Variants in DTD1 observed in about 807,000 individuals in gnomAD.
DTD1 encodes the protein D-aminoacyl-tRNA deacylase 1.
Under a neutral mutation model 25.6 loss-of-function variants are expected in DTD1, and 13 were observed. That is an observed-to-expected ratio of 0.51 (90% CI 0.33 to 0.81). The LOEUF is 0.81. Ranked by LOEUF, DTD1 falls within the 30% of genes least tolerant of loss-of-function variation. The pLI is 0.02. For missense variants in DTD1, 193 were observed against 266.4 expected, an observed-to-expected ratio of 0.72 and a Z score of 1.92; for synonymous variants, 110 against 103.6, an observed-to-expected ratio of 1.06 and a Z score of -0.37.
chr20:18,684,322 T>A (rs1306421889), intron 4 of DTD1, among the ~76,000 whole-genome samples: 2 of 152,122 alleles, frequency 1.3e-5, no homozygotes, highest in African/African-American at 4.8e-5. Context: ...AGTCTCACCC[T>A]GTCACCCACA....
intron 3 of DTD1, among the ~76,000 whole-genome samples, chr20:18,619,003 G>T (rs556419436): frequency 6.6e-6 from 1 of 151,722 alleles, no homozygotes; most frequent in South Asian, 2.1e-4. Context: ...GTGAGTCACC[G>T]TGCCTGGCTA....
At chr20:18,733,312 C>T (rs1203309441) in intron 4 of DTD1, among the ~76,000 whole-genome samples, 3 of 152,192 alleles carry the variant, frequency 2.0e-5, no homozygotes, top group African/African-American at 7.2e-5. Flanking sequence ...CGCCTGTGGC[C>T]ACAGGGTGTC....
chr20:18,643,849 G>GGTGTGTGTGT (rs1367922196), intron 4 of DTD1, among the ~76,000 whole-genome samples: 5 of 152,004 alleles, frequency 3.3e-5, no homozygotes, highest in Non-Finnish European at 5.9e-5. Flanking sequence ...TTAGATTCAG[G>GGTGTGTGTGT]GTGTATGTGT....
chr20:18,757,152 A>T (rs910104450), intron 5 of DTD1, among the ~76,000 whole-genome samples: 2 of 152,182 alleles, frequency 1.3e-5, no homozygotes, highest in African/African-American at 4.8e-5. Context: ...GTTGCTTATC[A>T]GCTTAAGGAG....
At chr20:18,709,938 C>T (rs899432252) in intron 4 of DTD1, among the ~76,000 whole-genome samples, 3 of 152,176 alleles carry the variant, frequency 2.0e-5, no homozygotes, top group Admixed American at 1.3e-4. Context: ...GGGCCTTACT[C>T]CTAATTTCAT....
chr20:18,679,133 A>C (rs541311375), intron 4 of DTD1, among the ~76,000 whole-genome samples: 1 of 152,350 alleles, frequency 6.6e-6, no homozygotes, highest in Admixed American at 6.5e-5. Flanking sequence ...TGGTTTTCTC[A>C]AGACCATCCT....
chr20:18,759,447 C>T (rs1023253172), intron 5 of DTD1, among the ~76,000 whole-genome samples: 1 of 152,192 alleles, frequency 6.6e-6, no homozygotes, highest in Non-Finnish European at 1.5e-5. Context: ...ACCAATCTCT[C>T]AGCATTTGCT....
chr20:18,621,475 C>G (rs1490039436), intron 3 of DTD1, among the ~76,000 whole-genome samples: 2 of 152,204 alleles, frequency 1.3e-5, no homozygotes, highest in Admixed American at 1.3e-4. Flanking sequence ...GTTACTCAGC[C>G]TACTCCCACT....
At chr20:18,737,471 C>T (rs952201038) in intron 4 of DTD1, among the ~76,000 whole-genome samples, 7 of 152,238 alleles carry the variant, frequency 4.6e-5, no homozygotes, top group Non-Finnish European at 8.8e-5. Context: ...ATTCTTAGGC[C>T]ATCACCTGAG....
intron 4 of DTD1, among the ~76,000 whole-genome samples, chr20:18,655,892 C>T (rs2060889821): frequency 1.3e-5 from 2 of 152,130 alleles, no homozygotes; most frequent in South Asian, 4.1e-4. Flanking sequence ...GCCTCAGCCT[C>T]CCGAGTAGCT....
At chr20:18,645,797 G>C (rs962287088) in intron 4 of DTD1, among the ~76,000 whole-genome samples, 2 of 152,144 alleles carry the variant, frequency 1.3e-5, no homozygotes, top group Non-Finnish European at 2.9e-5. Flanking sequence ...AGTCAGTTTG[G>C]GGCTTTGATG....
chr20:18,721,133 C>T (rs140075527), intron 4 of DTD1, among the ~76,000 whole-genome samples: 3 of 152,272 alleles, frequency 2.0e-5, no homozygotes, highest in Non-Finnish European at 2.9e-5. Flanking sequence ...ACAGAAGTGG[C>T]GCGAACAGAC....
chr20:18,713,848 T>C (rs1395739250), intron 4 of DTD1, among the ~76,000 whole-genome samples: 1 of 152,204 alleles, frequency 6.6e-6, no homozygotes, highest in Non-Finnish European at 1.5e-5. Flanking sequence ...CATTTTGCTC[T>C]CCTGTTGTGA....
chr20:18,735,896 C>G (rs1363123142), intron 4 of DTD1, among the ~76,000 whole-genome samples: 1 of 152,158 alleles, frequency 6.6e-6, no homozygotes, highest in Non-Finnish European at 1.5e-5. Flanking sequence ...GACTTTTTTG[C>G]TTCTCTGTGG....
At chr20:18,597,910 TA>T (rs2060618100) in intron 3 of DTD1, among the ~76,000 whole-genome samples, 1 of 152,212 alleles carries the variant, frequency 6.6e-6, no homozygotes, top group African/African-American at 2.4e-5. Context: ...AAAATGTTTT[TA>T]TTTTGCCTTA....
chr20:18,724,838 A>C (rs940816585), intron 4 of DTD1, among the ~76,000 whole-genome samples: 7 of 152,252 alleles, frequency 4.6e-5, no homozygotes, highest in African/African-American at 1.4e-4. Context: ...CAAGAGAGGA[A>C]ATCCACAAGC....
intron 3 of DTD1, among the ~76,000 whole-genome samples, chr20:18,618,611 G>A (rs954917076): frequency 1.0e-4 from 15 of 149,350 alleles, no homozygotes; most frequent in African/African-American, 3.4e-4. Context: ...ACATATGTGT[G>A]TGTATATATG....
chr20:18,606,815 A>T (rs1440048517), intron 3 of DTD1, among the ~76,000 whole-genome samples: 1 of 145,390 alleles, frequency 6.9e-6, no homozygotes, highest in Admixed American at 6.9e-5. Context: ...ATTGGAAGAT[A>T]TACCTAATGC....
intron 4 of DTD1, among the ~76,000 whole-genome samples, chr20:18,655,789 A>T (rs192428682): frequency 1.3e-3 from 196 of 150,958 alleles, no homozygotes; most frequent in Non-Finnish European, 2.2e-3. Context: ...TTTTTTTTTG[A>T]GAGGGAGTTT....
Sources: gnomAD v4.1 joint callset for allele counts (sites outside exome capture counted in the v4.1 genomes callset) on GRCh38, gnomAD v4.1.1 for gene constraint, MANE v1.5 for transcripts, NCBI Gene and HGNC (gene_info 2026-07-23, HGNC 2026-07-21) for gene names.